Variants in STAU2 observed in about 807,000 individuals in gnomAD.
STAU2 encodes the protein staufen double-stranded RNA binding protein 2.
A neutral mutation model predicts 65.9 loss-of-function variants in STAU2; 20 were observed. The ratio of observed to expected loss-of-function variants is 0.30; its 90% CI spans 0.21 to 0.44. The LOEUF is 0.44. Ranked by LOEUF, STAU2 falls within the 20% of genes least tolerant of loss-of-function variation. The pLI, the probability that STAU2 is intolerant of heterozygous loss-of-function variation, is 1.00. For synonymous variants in STAU2, 232 were observed against 233.9 expected (o/e 0.99, Z 0.07); for missense variants, 558 against 683.9 (o/e 0.82, Z 2.05).
chr8:73,577,456 T>TATATAC (rs1296346763), intron 12 of STAU2, among the ~76,000 whole-genome samples: 1 of 150,284 alleles, frequency 6.7e-6, no homozygotes, highest in Non-Finnish European at 1.5e-5. Flanking sequence ...TATATATATA[T>TATATAC]ACACACACAT....
intron 3 of STAU2, among the ~76,000 whole-genome samples, chr8:73,719,512 G>C (rs1821494923): frequency 6.6e-6 from 1 of 152,200 alleles, no homozygotes; most frequent in Non-Finnish European, 1.5e-5. Flanking sequence ...TTTGCTGAGA[G>C]TCTTTATGAT....
intron 4 of STAU2, among the ~76,000 whole-genome samples, chr8:73,707,748 C>T (rs1476990406): frequency 6.6e-6 from 1 of 152,060 alleles, no homozygotes; most frequent in Non-Finnish European, 1.5e-5. Context: ...AAAACAAGCT[C>T]AGTCTAGCAC....
chr8:73,610,841 T>C (rs1812399749), intron 9 of STAU2, among the ~76,000 whole-genome samples: 1 of 152,300 alleles, frequency 6.6e-6, no homozygotes, highest in Non-Finnish European at 1.5e-5. Flanking sequence ...CCCTATACAG[T>C]GACTCTGAAA....
intron 13 of STAU2, among the ~76,000 whole-genome samples, chr8:73,506,201 T>C (rs1402812091): frequency 6.6e-6 from 1 of 152,202 alleles, no homozygotes; most frequent in Non-Finnish European, 1.5e-5. Context: ...ATTTAGAAAC[T>C]TGTGCAAATG....
intron 13 of STAU2, among the ~76,000 whole-genome samples, chr8:73,491,271 T>C (rs1184969454): frequency 6.6e-6 from 1 of 152,026 alleles, no homozygotes; most frequent in Admixed American, 6.6e-5. Flanking sequence ...TCCTGCTGAA[T>C]TAACGTTTTG....
chr8:73,435,655 T>TC (rs1359332431), intron 13 of STAU2, among the ~76,000 whole-genome samples: 2 of 151,958 alleles, frequency 1.3e-5, no homozygotes, highest in Admixed American at 6.5e-5. Context: ...TGCCCCATAA[T>TC]TTACCTCCAA....
At chr8:73,538,309 A>T (rs897286118) in intron 13 of STAU2, among the ~76,000 whole-genome samples, 9 of 152,152 alleles carry the variant, frequency 5.9e-5, no homozygotes, top group African/African-American at 1.9e-4. Flanking sequence ...TACTTTTCTG[A>T]AAGTTTAAAA....
upstream of STAU2, chr8:73,747,061 G>A: frequency 4.2e-6 from 1 of 235,572 alleles, no homozygotes; most frequent in Non-Finnish European, 7.6e-6. Flanking sequence ...GCGACCAAGC[G>A]CGGCCATTGT....
In STAU2 at chr8:73,575,142, A is replaced by G. The variant is rs1186028706; in HGVS notation, c.1222+7628T>C. Among the ~76,000 whole-genome samples, 127 of 151,030 alleles carry G rather than the reference A, an allele frequency of 8.4e-4. No homozygotes were observed. The Middle Eastern group carries it at 0.034, about 41-fold the overall frequency. ...GTCCTACCAAGTAAAAAAAAAAAAA[A>G]AGAGAGAAAAAGACTAACCAATCTA... On this transcript the variant is annotated intron_variant, in intron 12 of 14. Coordinates refer to ENST00000524300, the MANE Select transcript of STAU2 (RefSeq NM_001164380.2).
chr8:73,668,143 CA>C (rs1048693279), intron 6 of STAU2, among the ~76,000 whole-genome samples: 2 of 146,420 alleles, frequency 1.4e-5, no homozygotes, highest in Admixed American at 1.4e-4. Flanking sequence ...TAATGACTAT[CA>C]AAAAAAAAAC....
intron 5 of STAU2, among the ~76,000 whole-genome samples, chr8:73,674,076 A>AAAATAT (rs1205571942): frequency 7.2e-5 from 11 of 151,736 alleles, no homozygotes; most frequent in African/African-American, 2.7e-4. Context: ...GGTGAAAATG[A>AAAATAT]AAATATAAAT....
At position 73,450,638 on chromosome 8, in the gene STAU2, T is replaced by C. The variant is rs1818754573; in HGVS notation, c.1531-27936A>G. On this transcript the variant is annotated intron_variant, in intron 13 of 14. Coordinates refer to ENST00000524300, the MANE Select transcript of STAU2 (RefSeq NM_001164380.2). Reference sequence around the variant, plus strand: ...TCTGATGACAAATGTTCTTTGATTTTCATCATCCTTCTGAACACAAGTCAC... The same window carrying C: ...TCTGATGACAAATGTTCTTTGATTTCCATCATCCTTCTGAACACAAGTCAC... 2.0e-5 allele frequency among the ~76,000 whole-genome samples: 3 copies of C among 152,236 alleles called. No homozygotes were observed. In the South Asian group the frequency reaches 6.2e-4, roughly 32 times the overall value.
At chr8:73,669,637 T>TTCTCTCTCTCTCTCTC (rs34037884) in intron 6 of STAU2, among the ~76,000 whole-genome samples, 28 of 141,338 alleles carry the variant, frequency 2.0e-4, no homozygotes, top group African/African-American at 5.3e-4. Flanking sequence ...GAGCCTGGAA[T>TTCTCTCTCTCTCTCTC]TCTCTCTCTC....
intron 1 of STAU2, among the ~76,000 whole-genome samples, chr8:73,744,159 C>G (rs557316060): frequency 2.1e-4 from 32 of 151,998 alleles, no homozygotes; most frequent in African/African-American, 7.2e-4. Context: ...AGGGCTTGAC[C>G]TCTAGGACAA....
intron 13 of STAU2, among the ~76,000 whole-genome samples, chr8:73,520,125 A>G (rs1822963639): frequency 6.6e-6 from 1 of 152,260 alleles, no homozygotes; most frequent in Non-Finnish European, 1.5e-5. Flanking sequence ...CTGCTAGAGC[A>G]TAAAGCGTGG....
chr8:73,742,094 T>C (rs1330078274), intron 1 of STAU2: 1 of 465,462 alleles, frequency 2.1e-6, no homozygotes, highest in Non-Finnish European at 2.8e-6. Flanking sequence ...CAATTCAGAA[T>C]GTTCACAGTG....
chr8:73,449,152 CAGGGGCCGGGCG>C (rs1258185803), intron 13 of STAU2, among the ~76,000 whole-genome samples: 3 of 152,322 alleles, frequency 2.0e-5, no homozygotes, highest in Middle Eastern at 3.4e-3. Context: ...GGGCGGCGGG[CAGGGGCCGGGCG>C]AGTTAGGCCG....
chr8:73,611,475 T>C (rs946713959), intron 9 of STAU2, among the ~76,000 whole-genome samples: 2 of 152,166 alleles, frequency 1.3e-5, no homozygotes, highest in Non-Finnish European at 2.9e-5. Context: ...GGGATAATAT[T>C]ACTTATATAC....
intron 13 of STAU2, among the ~76,000 whole-genome samples, chr8:73,456,928 C>A (rs894950883): frequency 6.6e-6 from 1 of 152,150 alleles, no homozygotes; most frequent in Admixed American, 6.5e-5. Flanking sequence ...CAAATGAAAC[C>A]AAGGTCTCTT....
Sources: allele counts gnomAD v4.1 joint callset (sites outside exome capture counted in the v4.1 genomes callset), GRCh38; gene constraint gnomAD v4.1.1; transcripts MANE v1.5; gene names NCBI Gene and HGNC (gene_info 2026-07-23, HGNC 2026-07-21).